Variants in TGM6 observed in about 807,000 individuals in gnomAD.
TGM6 encodes the protein transglutaminase 6, also known as protein-glutamine gamma-glutamyltransferase 6.
In TGM6, 74 loss-of-function variants were observed where a neutral mutation model predicts 77.5. The ratio of observed to expected loss-of-function variants is 0.96; its 90% CI spans 0.79 to 1.16. The LOEUF is 1.16. Ranked by LOEUF, TGM6 falls within the 50% of genes most tolerant of loss-of-function variation. TGM6 has a pLI of 0.00. For synonymous variants in TGM6, 383 were observed against 378.9 expected, an observed-to-expected ratio of 1.01 and a Z score of -0.12; for missense variants, 968 against 940.2, an observed-to-expected ratio of 1.03 and a Z score of -0.39.
chr20:2,414,874 G>T (rs1268213379), intron 9 of TGM6, among the ~76,000 whole-genome samples: 1 of 149,180 alleles, frequency 6.7e-6, no homozygotes, highest in Non-Finnish European at 1.5e-5. Flanking sequence ...ATTAGTGGTT[G>T]CCTAGGGCTG....
intron 9 of TGM6, among the ~76,000 whole-genome samples, chr20:2,410,373 C>T (rs2084777751): frequency 6.6e-6 from 1 of 152,150 alleles, no homozygotes; most frequent in African/African-American, 2.4e-5. Flanking sequence ...GGAAACCCCA[C>T]ACCACCCCTG....
rs1180689604 is a variant in TGM6 at position 2,417,362 on chromosome 20, T to C, written c.1467T>C (p.Pro489=). ...TCTGGCGTGACGACCTCCTGGAGCC[T>C]GCCACCAAGCCCAGCATCGCTGGCA... ...RCLWRDDLLE[P]ATKPSIAGKF... is the part of the protein sequence containing the mutation. Residue 489 remains proline, a synonymous_variant, in exon 10 of 13, where the codon CCT becomes CCC. Transcript: ENST00000202625. 6.2e-7 allele frequency: 1 copy of C among 1,613,298 alleles called. No individual in the cohort carries two copies. Among genetic ancestry groups the C allele is most frequent in the Non-Finnish European group, 8.5e-7 (1 of 1,179,448 alleles).
Position 2,431,029 on chromosome 20 carries a change from T to G in TGM6, c.1967+2T>G, listed in dbSNP as rs768139721. Reference sequence around the variant, plus strand: ...TCTCCAGGAACAGCTCAGCATCGAGTAAGTGCCAGCCTGGGGGGCTGGCAG... The same window carrying G: ...TCTCCAGGAACAGCTCAGCATCGAGGAAGTGCCAGCCTGGGGGGCTGGCAG... On this transcript the variant is annotated splice_donor_variant, in intron 12 of 12. Transcript: ENST00000202625. LOFTEE classifies it high-confidence loss of function. 1 of 1,613,570 alleles carries G rather than the reference T, an allele frequency of 6.2e-7. No homozygotes were observed. The highest frequency in any genetic ancestry group is 8.5e-7 in the Non-Finnish European group (1 of 1,179,836).
intron 9 of TGM6, among the ~76,000 whole-genome samples, chr20:2,405,782 C>A (rs2084746377): frequency 6.6e-6 from 1 of 152,162 alleles, no homozygotes; most frequent in Non-Finnish European, 1.5e-5. Context: ...GGCCCCCAAC[C>A]CTAACCTCCA....
At chr20:2,389,818 T>C (rs2084618899) in intron 1 of TGM6, among the ~76,000 whole-genome samples, 1 of 152,106 alleles carries the variant, frequency 6.6e-6, no homozygotes, top group Admixed American at 6.6e-5. Flanking sequence ...TAATCATGAG[T>C]GAACACAGAC....
At chr20:2,385,613 A>G (rs779491012) in intron 1 of TGM6, among the ~76,000 whole-genome samples, 1 of 151,268 alleles carries the variant, frequency 6.6e-6, no homozygotes, top group Non-Finnish European at 1.5e-5. Context: ...GAAGGAAAGA[A>G]GTTAAGAAGG....
chr20:2,404,423 A>G (rs1306578057), intron 9 of TGM6, among the ~76,000 whole-genome samples: 23 of 152,196 alleles, frequency 1.5e-4, no homozygotes, highest in Admixed American at 1.4e-3. Flanking sequence ...TGATCTGATT[A>G]ACATATTTTC....
At chr20:2,419,607 C>T (rs1599964474) in intron 10 of TGM6, among the ~76,000 whole-genome samples, 1 of 152,252 alleles carries the variant, frequency 6.6e-6, no homozygotes, top group Non-Finnish European at 1.5e-5. Flanking sequence ...CTTCCAAATC[C>T]TTAATGCCTG....
At chr20:2,415,787 G>T (rs2084812141) in intron 9 of TGM6, among the ~76,000 whole-genome samples, 1 of 152,170 alleles carries the variant, frequency 6.6e-6, no homozygotes, top group East Asian at 1.9e-4. Flanking sequence ...GGTGGGTTTG[G>T]TTGGATTTGA....
intron 9 of TGM6, among the ~76,000 whole-genome samples, chr20:2,406,522 T>C (rs923362882): frequency 8.8e-5 from 13 of 148,416 alleles, no homozygotes; most frequent in Non-Finnish European, 1.9e-4. Context: ...ATGAGGTCTG[T>C]GGGTCTTTTG....
rs149246851 is a variant in TGM6, at chr20:2,409,148, G to A, written c.1336+5325G>A. Reference sequence around the variant, plus strand: ...CAAAGTGTATAATCTTATTCCAATAGAATTAAATTAGAAATCAGTATCAGA... The same window carrying A: ...CAAAGTGTATAATCTTATTCCAATAAAATTAAATTAGAAATCAGTATCAGA... On this transcript the variant is annotated intron_variant, in intron 9 of 12. Coordinates refer to ENST00000202625, the MANE Select transcript of TGM6 (RefSeq NM_198994.3). 3.0e-3 allele frequency among the ~76,000 whole-genome samples: 461 copies of A among 152,120 alleles called. 5 individuals are homozygous for A. Among genetic ancestry groups the A allele is most frequent in the African/African-American group, 0.01 (429 of 41,492 alleles).
chr20:2,404,519 CCT>C (rs1454061170), intron 9 of TGM6, among the ~76,000 whole-genome samples: 5 of 152,162 alleles, frequency 3.3e-5, no homozygotes, highest in Non-Finnish European at 5.9e-5. Context: ...CCTCCTGTCC[CCT>C]GAGCACAAGC....
intron 1 of TGM6, among the ~76,000 whole-genome samples, chr20:2,386,719 G>A (rs2084598723): frequency 6.6e-6 from 1 of 152,078 alleles, no homozygotes; most frequent in Admixed American, 6.6e-5. Context: ...TGGCAGTTCT[G>A]ACTCATCCCA....
chr20:2,384,818 G>A (rs2084583344), intron 1 of TGM6, among the ~76,000 whole-genome samples: 1 of 152,186 alleles, frequency 6.6e-6, no homozygotes, highest in Non-Finnish European at 1.5e-5. Context: ...ACAGGCAGGT[G>A]GAGGGAGCAC....
chr20:2,399,085 T>C (rs1358675571), intron 5 of TGM6, among the ~76,000 whole-genome samples: 1 of 150,908 alleles, frequency 6.6e-6, no homozygotes. Context: ...TGGACTAACT[T>C]GCTGTGTGAT....
At chr20:2,411,372 A>T (rs2122394418) in intron 9 of TGM6, among the ~76,000 whole-genome samples, 1 of 152,354 alleles carries the variant, frequency 6.6e-6, no homozygotes, top group African/African-American at 2.4e-5. Context: ...AATACACCGT[A>T]TCAATAGAAA....
intron 9 of TGM6, among the ~76,000 whole-genome samples, chr20:2,405,392 A>G (rs1054877801): frequency 6.6e-6 from 1 of 152,222 alleles, no homozygotes; most frequent in Non-Finnish European, 1.5e-5. Context: ...GACTAATTGA[A>G]TCATAGTCTC....
Position 2,421,138 on chromosome 20 carries a change from G to A in TGM6, c.1678+3565G>A, listed in dbSNP as rs370853208. ...AGTAGCTGGGATTACGGGCACACAC[G>A]ACTACACCTAGTTAATTTTTGTATT... On this transcript the variant is annotated intron_variant, in intron 10 of 12. Coordinates refer to ENST00000202625, the MANE Select transcript of TGM6 (RefSeq NM_198994.3). Among the ~76,000 whole-genome samples, 228 of 151,988 alleles carry A rather than the reference G, an allele frequency of 1.5e-3. 1 individual carries two copies. The highest frequency in any genetic ancestry group is 5.1e-3 in the African/African-American group (212 of 41,450).
intron 5 of TGM6, 141 bp downstream of exon 5, chr20:2,398,187 G>T (rs898325733): frequency 1.9e-5 from 27 of 1,389,872 alleles, no homozygotes; most frequent in Non-Finnish European, 2.6e-5. Context: ...AAACTCAGTG[G>T]TGTAAAACAA....
Sources: gnomAD v4.1 joint callset for allele counts (sites outside exome capture counted in the v4.1 genomes callset) on GRCh38, gnomAD v4.1.1 for gene constraint, MANE v1.5 for transcripts, NCBI Gene and HGNC (gene_info 2026-07-23, HGNC 2026-07-21) for gene names.